RCOR1: variants seen among roughly 807,000 people sequenced by gnomAD.
RCOR1 encodes the protein REST corepressor.
RCOR1 carries 12 observed loss-of-function variants against 64.0 expected under a neutral mutation model. The ratio of observed to expected loss-of-function variants is 0.19; its 90% CI spans 0.12 to 0.30. The LOEUF is 0.30. RCOR1 is among the 10% of genes least tolerant of loss of function. The probability of loss-of-function intolerance (pLI) is 1.00; values close to 1 mark genes in which losing one functional copy is unlikely to be tolerated. For synonymous variants in RCOR1, 279 were observed against 227.2 expected, an observed-to-expected ratio of 1.23 and a Z score of -2.05; for missense variants, 502 against 621.2, an observed-to-expected ratio of 0.81 and a Z score of 2.04.
intron 2 of RCOR1, among the ~76,000 whole-genome samples, chr14:102,631,183 A>G (rs1051951368): frequency 5.3e-5 from 8 of 151,270 alleles, no homozygotes; most frequent in Non-Finnish European, 1.2e-4. Flanking sequence ...GAGTAGGTCC[A>G]TTGGGAGTGG....
Position 102,648,275 on chromosome 14 carries a change from C to CT in RCOR1, c.362-33620_362-33619insT, listed in dbSNP as rs1894516481. 2.0e-5 allele frequency among the ~76,000 whole-genome samples: 3 copies of CT among 152,282 alleles called. No individual in the cohort carries two copies. In the South Asian group the frequency reaches 6.2e-4, roughly 32 times the overall value. On this transcript the variant is annotated intron_variant, in intron 2 of 11. Coordinates refer to ENST00000262241, the MANE Select transcript of RCOR1 (RefSeq NM_015156.4). ...TGTATTTTTAGTAGAGACGGGGTTT[C>CT]ACCATGTCGGCGAGGCTGGTCTTGA...
chr14:102,631,206 C>CTT (rs760075418), intron 2 of RCOR1, among the ~76,000 whole-genome samples: 32 of 142,134 alleles, frequency 2.3e-4, no homozygotes, highest in South Asian at 1.1e-3. Flanking sequence ...TAGTCCAGAC[C>CTT]TTTTTTTTTT....
intron 2 of RCOR1, chr14:102,662,314 C>G (rs1214886835): frequency 1.6e-5 from 9 of 558,476 alleles, no homozygotes; most frequent in East Asian, 1.4e-4. Flanking sequence ...GCCTCCTTCT[C>G]TCCATCAGGC....
intron 2 of RCOR1, among the ~76,000 whole-genome samples, chr14:102,631,894 G>A (rs1894120269): frequency 6.6e-6 from 1 of 151,884 alleles, no homozygotes. Flanking sequence ...TCTGCCTCCA[G>A]GGTTCAAGCG....
chr14:102,611,696 A>G (rs1036969443), intron 2 of RCOR1, among the ~76,000 whole-genome samples: 1 of 152,116 alleles, frequency 6.6e-6, no homozygotes, highest in African/African-American at 2.4e-5. Context: ...ATTTCCCACT[A>G]TTGAGTCAAA....
At chr14:102,599,803 G>GTTTTTTT (rs758594132) in intron 2 of RCOR1, among the ~76,000 whole-genome samples, 3 of 93,786 alleles carry the variant, frequency 3.2e-5, no homozygotes, top group African/African-American at 3.5e-5. Flanking sequence ...GTTTTGTTTT[G>GTTTTTTT]TTTTGTTTTT....
At chr14:102,631,202 A>G (rs575911649) in intron 2 of RCOR1, among the ~76,000 whole-genome samples, 1 of 148,052 alleles carries the variant, frequency 6.8e-6, no homozygotes. Flanking sequence ...GGACTAGTCC[A>G]GACCTTTTTT....
chr14:102,635,161 A>ATTTAT (rs1894210513), intron 2 of RCOR1, among the ~76,000 whole-genome samples: 1 of 152,042 alleles, frequency 6.6e-6, no homozygotes, highest in Admixed American at 6.6e-5. Context: ...TCTTATGCAA[A>ATTTAT]CTTTTAAATT....
rs548725080 is a variant in RCOR1 at position 102,594,552 on chromosome 14, A to C, written c.361+1227A>C. On this transcript the variant is annotated intron_variant, in intron 2 of 11. Transcript: ENST00000262241. ...AATGACTTCCTAAATTGGCCTTCTA[A>C]ATTTTGATTTGTTGACGTAAATCTG... Among the ~76,000 whole-genome samples the C allele has an allele frequency of 2.6e-5, 4 of 152,262 alleles. No individual in the cohort carries two copies. In the South Asian group the frequency reaches 8.3e-4, roughly 32 times the overall value.
rs558035313 is a variant in RCOR1, at chr14:102,642,818, C to CA, written c.362-39076dup. On this transcript the variant is annotated intron_variant, in intron 2 of 11. Coordinates refer to ENST00000262241, the MANE Select transcript of RCOR1 (RefSeq NM_015156.4). ...TGCCACTGCACTCCAGCCTAGGTGA[C>CA]AGAGTGAGACCCTGTCTATTAAAAA... Among the ~76,000 whole-genome samples, 96 of 152,192 alleles carry CA rather than the reference C, an allele frequency of 6.3e-4. 1 individual carries two copies. The highest frequency in any genetic ancestry group is 7.2e-4 in the Admixed American group (11 of 15,278).
intron 3 of RCOR1, among the ~76,000 whole-genome samples, chr14:102,688,582 G>A (rs987369499): frequency 7.9e-5 from 12 of 152,100 alleles, no homozygotes; most frequent in African/African-American, 2.2e-4. Context: ...GTTAAAAGGC[G>A]GCATGATGGA....
At chr14:102,681,680 G>A (rs903386828) in intron 2 of RCOR1, among the ~76,000 whole-genome samples, 3 of 152,176 alleles carry the variant, frequency 2.0e-5, no homozygotes, top group African/African-American at 7.2e-5. Flanking sequence ...GCAGCATACT[G>A]TAAAATCAGT....
At chr14:102,593,208 CGGCCCCG>C in intron 1 of RCOR1, 21 bp downstream of exon 1, 3 of 1,473,526 alleles carry the variant, frequency 2.0e-6, no homozygotes, top group Non-Finnish European at 8.9e-7. Context: ...GCCGCCCCCG[CGGCCCCG>C]GGCCCCGCGC....
At chr14:102,593,376 G>A (rs1893175100) in intron 2 of RCOR1, 51 bp downstream of exon 2, 2 of 1,465,106 alleles carry the variant, frequency 1.4e-6, no homozygotes, top group African/African-American at 1.5e-5. Flanking sequence ...GGAGCCCCGG[G>A]TCCCCGGCGA....
chr14:102,635,386 C>T (rs184194064), intron 2 of RCOR1, among the ~76,000 whole-genome samples: 40 of 152,144 alleles, frequency 2.6e-4, no homozygotes, highest in South Asian at 1.5e-3. Flanking sequence ...TGCCTGTATT[C>T]CCAGCTACTC....
intron 2 of RCOR1, among the ~76,000 whole-genome samples, chr14:102,622,714 A>G (rs1345641384): frequency 6.6e-6 from 1 of 152,002 alleles, no homozygotes; most frequent in Non-Finnish European, 1.5e-5. Context: ...AGCCCTCCGA[A>G]AGAGTACTTG....
chr14:102,698,850 C>G (rs1380206912), intron 3 of RCOR1, among the ~76,000 whole-genome samples: 1 of 152,052 alleles, frequency 6.6e-6, no homozygotes, highest in Non-Finnish European at 1.5e-5. Context: ...TCTGAGAGCA[C>G]TTTTATTTGG....
Position 102,663,257 on chromosome 14 carries a change from G to C in RCOR1, c.362-18638G>C, listed in dbSNP as rs546915086. 2.6e-5 allele frequency among the ~76,000 whole-genome samples: 4 copies of C among 152,298 alleles called. No individual in the cohort carries two copies. In the South Asian group the frequency reaches 8.3e-4, roughly 32 times the overall value. On this transcript the variant is annotated intron_variant, in intron 2 of 11. Transcript: ENST00000262241. ...CAGCTGCATGGAACTGTTAAATCCA[G>C]TTAAACCTCTTTGTTTTGTAAATTG...
rs1225530377 is a variant in RCOR1, at chr14:102,679,941, T to A, written c.362-1954T>A. ...TTATGAATTGTAGAATATTTATCAA[T>A]TACGGCAAAAGAAGGTGCTACAATT... On this transcript the variant is annotated intron_variant, in intron 2 of 11. Transcript: ENST00000262241. Among the ~76,000 whole-genome samples the A allele has an allele frequency of 1.3e-5, 2 of 152,232 alleles. 1 individual carries two copies. The highest frequency in any genetic ancestry group is 2.9e-5 in the Non-Finnish European group (2 of 68,038).
Sources: gnomAD v4.1 joint callset for allele counts (sites outside exome capture counted in the v4.1 genomes callset) on GRCh38, gnomAD v4.1.1 for gene constraint, MANE v1.5 for transcripts, NCBI Gene and HGNC (gene_info 2026-07-23, HGNC 2026-07-21) for gene names.